Variants in CCNE2 observed in about 807,000 individuals in gnomAD.
CCNE2 encodes G1/S-specific cyclin-E2.
CCNE2 carries 18 observed loss-of-function variants against 56.8 expected under a neutral mutation model. That is an observed-to-expected ratio of 0.32 (90% CI 0.22 to 0.47). The LOEUF (loss-of-function observed/expected upper bound fraction) is 0.47, where lower values mean the gene tolerates loss of function less well. Ranked by LOEUF, CCNE2 falls within the 20% of genes least tolerant of loss-of-function variation. CCNE2 has a pLI of 1.00. For missense variants in CCNE2, 371 were observed against 467.1 expected (o/e 0.79, Z 1.90); for synonymous variants, 139 against 149.2 (o/e 0.93, Z 0.50).
rs781578320 is a variant in CCNE2 at position 94,892,892 on chromosome 8, T to G, written c.243A>C (p.Thr81=). 12 of 1,529,352 alleles carry G rather than the reference T, an allele frequency of 7.8e-6. No individual in the cohort carries two copies. Among genetic ancestry groups the G allele is most frequent in the South Asian group, 1.3e-5 (1 of 79,156 alleles). 94.7% of individuals were successfully genotyped at this position (1,529,352 alleles called of 1,614,324 possible). ...AATTTGTAAATCTGGAGAAATCACT[T>G]GTTCCTATTTCTTTGTGAGGTGTTT... The part of the protein sequence containing the change: ...IIETPHKEIG[T]SDFSRFTNYR... Residue 81 remains threonine (T), a synonymous_variant, in exon 5 of 12, where the codon ACA becomes ACC. Transcript: ENST00000308108.
rs2131091965 is a variant in CCNE2, at chr8:94,881,066, C to A, written c.*566G>T. The stretch of plus-strand genomic sequence containing the variant: ...CTAGTTTAAAAAACATTAAATTTCA[C>A]CATTTGTAGAAATTCAAGTTTTATA... On this transcript the variant is annotated 3_prime_UTR_variant, in exon 12 of 12. Coordinates refer to ENST00000308108, the MANE Select transcript of CCNE2 (RefSeq NM_057749.3). 5.0e-6 allele frequency: 2 copies of A among 397,930 alleles called. No individual in the cohort carries two copies. Among genetic ancestry groups the A allele is most frequent in the Non-Finnish European group, 4.4e-6 (1 of 225,474 alleles). 24.6% of individuals were successfully genotyped at this position (397,930 alleles called of 1,614,324 possible). A position where few individuals can be genotyped will look rare whatever the true frequency, so the allele number is the denominator to read the frequency against.
chr8:94,894,468 TCCAAAAATTTA>T (rs1817384412), intron 1 of CCNE2: 1 of 549,002 alleles, frequency 1.8e-6, no homozygotes, highest in Admixed American at 3.3e-5. Flanking sequence ...AACGCGAGTG[TCCAAAAATTTA>T]CCAAGCACTC....
intron 1 of CCNE2, chr8:94,894,504 G>C: frequency 2.2e-6 from 1 of 454,604 alleles, no homozygotes; most frequent in Non-Finnish European, 3.9e-6. Flanking sequence ...CACCTTGAAC[G>C]CGCAGGGAGG....
At chr8:94,883,646 A>G in intron 9 of CCNE2, 1 of 240,302 alleles carries the variant, frequency 4.2e-6, no homozygotes, top group South Asian at 5.2e-5. Context: ...TGATTCTTGA[A>G]GCTACTGGAA....
In CCNE2 at chr8:94,882,908, A is replaced by G. The variant is rs1010390580; in HGVS notation, c.832-16T>C. The G allele has an allele frequency of 1.3e-6, 2 of 1,499,810 alleles. No homozygotes were observed. Among genetic ancestry groups the G allele is most frequent in the African/African-American group, 1.4e-5 (1 of 72,648 alleles). The allele number at this position is 1,499,810 out of a possible 1,614,324, so 92.9% of individuals were successfully genotyped here. A position where few individuals can be genotyped will look rare whatever the true frequency, so the allele number is the denominator to read the frequency against. On this transcript the variant is annotated splice_polypyrimidine_tract_variant and intron_variant, in intron 9 of 11. Coordinates refer to ENST00000308108, the MANE Select transcript of CCNE2 (RefSeq NM_057749.3). ...GATCTAAAAGCTAACAGGAAAAACA[A>G]AAGTACAAGCAATTTAGGAGAAAGA...
intron 5 of CCNE2, 41 bp from the exon 6 acceptor site, chr8:94,890,591 ATTTTTTT>A (rs33988905): frequency 5.1e-5 from 16 of 310,714 alleles, no homozygotes; most frequent in African/African-American, 1.6e-4. Context: ...ATATATATAT[ATTTTTTT>A]TTTTTTTTTT....
intron 8 of CCNE2, 89 bp downstream of exon 8, chr8:94,885,374 T>C (rs1176150638): frequency 2.8e-6 from 3 of 1,064,132 alleles, no homozygotes; most frequent in Admixed American, 4.4e-5. Flanking sequence ...ACTTTTTACA[T>C]TGTAGTATTT....
chr8:94,882,311 A>T (rs745939237), intron 10 of CCNE2, 22 bp from the exon 11 acceptor site: 1 of 1,565,320 alleles, frequency 6.4e-7, no homozygotes, highest in South Asian at 1.2e-5. Context: ...GAAAAAAGTT[A>T]GAAAAGCATG....
chr8:94,892,030 C>A (rs1040925860), intron 5 of CCNE2: 38 of 780,780 alleles, frequency 4.9e-5, no homozygotes, highest in Non-Finnish European at 7.0e-5. Context: ...TGTTCCTAAA[C>A]CAGAAGAGGC....
chr8:94,894,311 T>A, intron 1 of CCNE2, 64 bp from the exon 2 acceptor site: 1 of 1,549,266 alleles, frequency 6.5e-7, no homozygotes, highest in Non-Finnish European at 8.9e-7. Flanking sequence ...CAAGTGCCAG[T>A]AAGACGCTGA....
At position 94,893,914 on chromosome 8, in the gene CCNE2, T is replaced by C. The variant is rs1445313868; in HGVS notation, c.142A>G (p.Lys48Glu). Residue 48 changes from lysine to glutamate, a missense_variant, in exon 4 of 12, where the codon AAG (lysine) becomes GAG (glutamate). Lys to Glu is a moderately conservative substitution (Grantham distance 56, BLOSUM62 1). Coordinates refer to ENST00000308108, the MANE Select transcript of CCNE2 (RefSeq NM_057749.3). ...DVKKRREEVT[K>E]KHQYEIRNCW... is the part of the protein sequence containing the mutation. ...ACCCTAATTTCATACTGATGTTTCT[T>C]GGTGACCTCCTCTCTTCTTTTTTTG... The C allele has an allele frequency of 1.2e-6, 2 of 1,614,210 alleles. No homozygotes were observed. Among genetic ancestry groups the C allele is most frequent in the East Asian group, 4.5e-5 (2 of 44,892 alleles).
At chr8:94,895,284 A>T, upstream of CCNE2, 1 of 983,330 alleles carries the variant, frequency 1.0e-6, no homozygotes, top group Non-Finnish European at 1.2e-6. Context: ...ACCTCCGGAC[A>T]GCGCGCTCCC....
At chr8:94,888,830 G>A (rs1283303474) in intron 6 of CCNE2, among the ~76,000 whole-genome samples, 1 of 152,116 alleles carries the variant, frequency 6.6e-6, no homozygotes, top group Non-Finnish European at 1.5e-5. Flanking sequence ...CTGGCCACAT[G>A]AGTTTCTAAT....
At chr8:94,894,326 C>G (rs2466431) in intron 1 of CCNE2, 79 bp from the exon 2 acceptor site, 1,392,207 of 1,468,310 alleles carry the variant, frequency 0.95, 660,356 homozygotes, top group African/African-American at 0.99. Flanking sequence ...CGCTGATTCG[C>G]AGGTGAAAGC....
chr8:94,882,558 TATA>T (rs2131096598), intron 10 of CCNE2, among the ~76,000 whole-genome samples: 1 of 152,342 alleles, frequency 6.6e-6, no homozygotes, highest in Admixed American at 6.5e-5. Context: ...AAAGCAGAAC[TATA>T]ATGTTGATTC....
chr8:94,884,888 T>C, intron 9 of CCNE2, 179 bp downstream of exon 9: 1 of 516,118 alleles, frequency 1.9e-6, no homozygotes. Flanking sequence ...GACTTTGTTT[T>C]TCTAGAAATA....
chr8:94,885,149 AAG>A lies in CCNE2; in HGVS notation c.747_748del (p.Phe250SerfsTer4). The A allele has an allele frequency of 2.5e-6, 4 of 1,613,660 alleles. No individual in the cohort carries two copies. The highest frequency in any genetic ancestry group is 3.4e-6 in the Non-Finnish European group (4 of 1,179,676). ...ATCTTTAAGAGCATCAACTTGGAGA[AAG>A]AGATTTAGCCAGGAGATGATTGTTA... is the stretch of plus-strand genomic sequence containing the variant. On this transcript the variant is annotated frameshift_variant, in exon 9 of 12. Coordinates refer to ENST00000308108, the MANE Select transcript of CCNE2 (RefSeq NM_057749.3). LOFTEE classifies it high-confidence loss of function.
intron 9 of CCNE2, 138 bp from the exon 10 acceptor site, chr8:94,883,030 C>G: frequency 1.9e-6 from 1 of 513,246 alleles, no homozygotes; most frequent in East Asian, 3.6e-5. Context: ...AATCCCAGCA[C>G]TTTGGGAGGC....
At chr8:94,895,447 A>T (rs1817467209), upstream of CCNE2, among the ~76,000 whole-genome samples, 1 of 151,918 alleles carries the variant, frequency 6.6e-6, no homozygotes, top group South Asian at 2.1e-4. Context: ...GGAAACTCTC[A>T]GGGGCTCCTT....
Sources: gnomAD v4.1 joint callset for allele counts (sites outside exome capture counted in the v4.1 genomes callset) on GRCh38, gnomAD v4.1.1 for gene constraint, MANE v1.5 for transcripts, NCBI Gene and HGNC (gene_info 2026-07-23, HGNC 2026-07-21) for gene names.